CHID1: variants seen among roughly 807,000 people sequenced by gnomAD.
CHID1 encodes the protein chitinase domain-containing protein 1.
A neutral mutation model predicts 55.4 loss-of-function variants in CHID1; 44 were observed. That is an observed-to-expected ratio of 0.79 (90% CI 0.62 to 1.02). CHID1 has a LOEUF of 1.02. CHID1 is among the 50% of genes least tolerant of loss of function. CHID1 has a pLI of 0.00. For synonymous variants in CHID1, 216 were observed against 212.9 expected (o/e 1.01, Z -0.13); for missense variants, 491 against 515.3 (o/e 0.95, Z 0.46).
intron 7 of CHID1, among the ~76,000 whole-genome samples, chr11:895,400 G>T (rs1851186560): frequency 6.6e-6 from 1 of 152,170 alleles, no homozygotes; most frequent in Non-Finnish European, 1.5e-5. Flanking sequence ...GAGGACAGGT[G>T]TGAGTCAGGT....
intron 10 of CHID1, among the ~76,000 whole-genome samples, chr11:878,502 G>A (rs954881921): frequency 6.6e-6 from 1 of 151,936 alleles, no homozygotes; most frequent in Non-Finnish European, 1.5e-5. Flanking sequence ...GGCAGAGGAT[G>A]CGGTGAGCCA....
intron 7 of CHID1, among the ~76,000 whole-genome samples, chr11:898,727 C>T (rs1324938963): frequency 1.3e-5 from 2 of 152,224 alleles, no homozygotes; most frequent in African/African-American, 4.8e-5. Context: ...CCTATCACTC[C>T]CTCCGTTCCT....
In CHID1 at chr11:893,444, C is replaced by T. The variant is rs766333838; in HGVS notation, c.684G>A (p.Pro228=). The T allele has an allele frequency of 1.1e-5, 17 of 1,550,982 alleles. No individual in the cohort carries two copies. The highest frequency in any genetic ancestry group is 3.9e-5 in the Admixed American group (2 of 50,980). ...GCACTTACCCGGGGGTGATGGCAGG[C>T]GGGATGACCAGGAGGGCCAGCAGCC... ...QARLLALLVI[P]PAITPGTDQL... Residue 228 remains proline, a synonymous_variant, in exon 8 of 13, where the codon CCG becomes CCA. Coordinates refer to ENST00000323578, the MANE Select transcript of CHID1 (RefSeq NM_023947.4).
At chr11:881,827 C>G (rs1240981699) in intron 10 of CHID1, among the ~76,000 whole-genome samples, 2 of 151,496 alleles carry the variant, frequency 1.3e-5, no homozygotes, top group Non-Finnish European at 2.9e-5. Context: ...CATGGCAAAA[C>G]CCTGTCTCTA....
chr11:904,553 G>T, intron 2 of CHID1, 153 bp downstream of exon 2: 1 of 815,508 alleles, frequency 1.2e-6, no homozygotes, highest in Non-Finnish European at 1.9e-6. Flanking sequence ...GAGCCACACA[G>T]GCCACCCACC....
rs1024108635 is a variant in CHID1 at position 883,016 on chromosome 11, G to C, written c.959+132C>G. The C allele has an allele frequency of 2.5e-5, 26 of 1,025,008 alleles. No homozygotes were observed. The African/African-American group carries it at 3.8e-4, about 15-fold the overall frequency. 63.5% of individuals were successfully genotyped at this position (1,025,008 alleles called of 1,614,324 possible). A position where few individuals can be genotyped will look rare whatever the true frequency, so the allele number is the denominator to read the frequency against. On this transcript the variant is annotated intron_variant, in intron 10 of 12. Coordinates refer to ENST00000323578, the MANE Select transcript of CHID1 (RefSeq NM_023947.4). ...CCAAGCAGGACCGGCTCCTGGCCCA[G>C]CCCCTATCTCTGACTCTGTGGGGCA... is the stretch of plus-strand genomic sequence containing the variant.
chr11:870,326 G>A, intron 11 of CHID1, 93 bp downstream of exon 11: 3 of 1,346,992 alleles, frequency 2.2e-6, no homozygotes, highest in Non-Finnish European at 3.1e-6. Flanking sequence ...GTGACCCTGA[G>A]ACCCCCTGGG....
chr11:901,639 G>C (rs941294505), intron 4 of CHID1, among the ~76,000 whole-genome samples: 1 of 152,208 alleles, frequency 6.6e-6, no homozygotes, highest in African/African-American at 2.4e-5. Flanking sequence ...GCTGCCCAGA[G>C]GCTGCCTGAG....
chr11:913,151 G>C (rs56153769), upstream of CHID1, among the ~76,000 whole-genome samples: 7,760 of 123,362 alleles, frequency 0.063, 271 homozygotes, highest in African/African-American at 0.13. Flanking sequence ...GCCCCCCCCC[G>C]CAAAAAAAAA....
At position 869,593 on chromosome 11, in the gene CHID1, G is replaced by A. The variant is rs893873972; in HGVS notation, c.*265C>T. On this transcript the variant is annotated 3_prime_UTR_variant, in exon 13 of 13. Transcript: ENST00000323578. Reference sequence around the variant, plus strand: ...TGTCCTGGTGGGGCAGGTACTGTGGGCCCCGCCTGCCCAGCTGACAGGAGG... The same window carrying A: ...TGTCCTGGTGGGGCAGGTACTGTGGACCCCGCCTGCCCAGCTGACAGGAGG... 1 of 567,792 alleles carries A rather than the reference G, an allele frequency of 1.8e-6. No homozygotes were observed. The highest frequency in any genetic ancestry group is 1.9e-5 in the African/African-American group (1 of 53,330). 35.2% of individuals were successfully genotyped at this position (567,792 alleles called of 1,614,324 possible).
At position 869,781 on chromosome 11, in the gene CHID1, G is replaced by A. The variant is rs566979536; in HGVS notation, c.*77C>T. On this transcript the variant is annotated 3_prime_UTR_variant, in exon 13 of 13. Transcript: ENST00000323578. ...GACCCGTCACAGCAAACGGAGTGGA[G>A]GCCTGTATTTCACACCTGCTCACTC... The A allele has an allele frequency of 2.7e-5, 35 of 1,283,816 alleles. No individual in the cohort carries two copies. The Admixed American group carries it at 4.6e-4, about 17-fold the overall frequency. The allele number at this position is 1,283,816 out of a possible 1,614,324, so 79.5% of individuals were successfully genotyped here.
chr11:875,369 G>A lies in CHID1; in HGVS notation c.960-4870C>T, dbSNP rs951757323. Among the ~76,000 whole-genome samples, 3 of 152,190 alleles carry A rather than the reference G, an allele frequency of 2.0e-5. No homozygotes were observed. Among genetic ancestry groups the A allele is most frequent in the East Asian group, 1.9e-4 (1 of 5,188 alleles). On this transcript the variant is annotated intron_variant, in intron 10 of 12. Coordinates refer to ENST00000323578, the MANE Select transcript of CHID1 (RefSeq NM_023947.4). This position sits in a 1 kb window ranked among gnomAD's most constrained non-coding sequence, Gnocchi z 4.7. ...CCCTGAGGTTCACCGTCTCCCGCTC[G>A]GGGAGGCGGGCGTGGCTGGGCCCGC...
At chr11:892,844 T>A (rs141311659) in intron 8 of CHID1, among the ~76,000 whole-genome samples, 2 of 152,302 alleles carry the variant, frequency 1.3e-5, no homozygotes, top group Non-Finnish European at 2.9e-5. Flanking sequence ...TAGCCAGGGG[T>A]GCTACCCTGA....
At chr11:900,154 G>A (rs770644569) in intron 5 of CHID1, 44 bp from the exon 6 acceptor site, 3 of 1,483,724 alleles carry the variant, frequency 2.0e-6, no homozygotes, top group Non-Finnish European at 1.9e-6. Context: ...ACTGGGAGAT[G>A]CTGGAGGGCC....
chr11:882,542 T>C (rs1047461467), intron 10 of CHID1: 4 of 152,486 alleles, frequency 2.6e-5, no homozygotes, highest in Non-Finnish European at 4.4e-5. Context: ...TGAAGACACG[T>C]CAATAAAATT....
chr11:888,882 C>T (rs1220339157), intron 8 of CHID1, among the ~76,000 whole-genome samples: 2 of 151,874 alleles, frequency 1.3e-5, no homozygotes, highest in South Asian at 2.1e-4. Flanking sequence ...CCCACACCAA[C>T]GCCAGTGCCT....
chr11:869,634 C>T lies in CHID1; in HGVS notation c.*224G>A, dbSNP rs1286279040. 1.5e-5 allele frequency: 9 copies of T among 587,372 alleles called. No homozygotes were observed. The highest frequency in any genetic ancestry group is 6.2e-5 in the South Asian group (3 of 48,508). 36.4% of individuals were successfully genotyped at this position (587,372 alleles called of 1,614,324 possible). A position where few individuals can be genotyped will look rare whatever the true frequency, so the allele number is the denominator to read the frequency against. On this transcript the variant is annotated 3_prime_UTR_variant, in exon 13 of 13. Coordinates refer to ENST00000323578, the MANE Select transcript of CHID1 (RefSeq NM_023947.4). Reference sequence around the variant, plus strand: ...TGACAGGAGGCAGCCAGCGGATGCCCGGGTGGGAGGGGCTCGAGCTCTCAG... The same window carrying T: ...TGACAGGAGGCAGCCAGCGGATGCCTGGGTGGGAGGGGCTCGAGCTCTCAG...
At chr11:874,527 G>A (rs534696898) in intron 10 of CHID1, among the ~76,000 whole-genome samples, 51 of 152,312 alleles carry the variant, frequency 3.3e-4, no homozygotes, top group East Asian at 3.1e-3. Context: ...TGATCATAGC[G>A]CACTGCAGCC....
intron 10 of CHID1, among the ~76,000 whole-genome samples, chr11:878,745 A>T (rs1010643158): frequency 6.6e-6 from 1 of 151,688 alleles, no homozygotes; most frequent in South Asian, 2.1e-4. Flanking sequence ...ACTGTTGCCC[A>T]GGCTGGAGTG....
Sources: gnomAD v4.1 joint callset for allele counts (sites outside exome capture counted in the v4.1 genomes callset) on GRCh38, gnomAD v4.1.1 for gene constraint, Gnocchi (gnomAD v3.1) non-coding constraint, MANE v1.5 for transcripts, NCBI Gene and HGNC (gene_info 2026-07-23, HGNC 2026-07-21) for gene names.